Variants in GPC6 observed in about 807,000 individuals in gnomAD.
The protein encoded by GPC6 is glypican-6.
In GPC6, 14 loss-of-function variants were observed where a neutral mutation model predicts 55.2. That is an observed-to-expected ratio of 0.25 (90% CI 0.17 to 0.40). The LOEUF (loss-of-function observed/expected upper bound fraction) is 0.40, where lower values mean the gene tolerates loss of function less well. Ranked by LOEUF, GPC6 falls within the 10% of genes least tolerant of loss-of-function variation. The pLI is 1.00. For missense variants in GPC6, 641 were observed against 708.5 expected (o/e 0.90, Z 1.08); for synonymous variants, 278 against 259.6 (o/e 1.07, Z -0.68).
intron 4 of GPC6, among the ~76,000 whole-genome samples, chr13:94,039,609 C>G (rs759035895): frequency 6.6e-6 from 1 of 151,874 alleles, no homozygotes; most frequent in Non-Finnish European, 1.5e-5. Flanking sequence ...ATTTGAGAAA[C>G]AGTGGGACCA....
At chr13:94,004,556 G>T (rs1003028487) in intron 3 of GPC6, among the ~76,000 whole-genome samples, 2 of 152,132 alleles carry the variant, frequency 1.3e-5, no homozygotes, top group African/African-American at 2.4e-5. Flanking sequence ...ACCTTATAAT[G>T]AAATGACTGG....
chr13:93,954,520 T>C (rs147212437), intron 3 of GPC6, among the ~76,000 whole-genome samples: 2,099 of 152,280 alleles, frequency 0.014, 42 homozygotes, highest in Admixed American at 0.049. Flanking sequence ...TGGCCCAGGC[T>C]CACAATGCCT....
At chr13:93,628,362 A>G (rs1334418397) in intron 2 of GPC6, among the ~76,000 whole-genome samples, 2 of 152,216 alleles carry the variant, frequency 1.3e-5, no homozygotes, top group Admixed American at 1.3e-4. Context: ...AGGCACAACT[A>G]ATGAACTCAT....
chr13:93,874,119 C>T lies in GPC6; in HGVS notation c.711+43574C>T, dbSNP rs549771108. Among the ~76,000 whole-genome samples, 4 of 152,034 alleles carry T rather than the reference C, an allele frequency of 2.6e-5. No homozygotes were observed. In the South Asian group the frequency reaches 8.3e-4, roughly 32 times the overall value. ...TTAGCTATATAAGGTAAACTCATGTCACAGGGGCTTGTTATACAGATTATT... is the reference window on the plus strand; with the variant it reads ...TTAGCTATATAAGGTAAACTCATGTTACAGGGGCTTGTTATACAGATTATT... On this transcript the variant is annotated intron_variant, in intron 3 of 8. Transcript: ENST00000377047.
intron 3 of GPC6, among the ~76,000 whole-genome samples, chr13:93,860,643 T>G (rs767214336): frequency 6.6e-6 from 1 of 151,644 alleles, no homozygotes; most frequent in Non-Finnish European, 1.5e-5. Context: ...GATATTCTTA[T>G]GTTTGCCTTA....
chr13:93,279,650 T>C lies in GPC6; in HGVS notation c.160+52034T>C, dbSNP rs570998507. The stretch of plus-strand genomic sequence containing the variant: ...GATATTAGTGCCACAGTAGAAAATA[T>C]AGGTTTATACATTTCATGGCGAGGC... On this transcript the variant is annotated intron_variant, in intron 1 of 8. Coordinates refer to ENST00000377047, the MANE Select transcript of GPC6 (RefSeq NM_005708.5). Among the ~76,000 whole-genome samples, 123 of 152,318 alleles carry C rather than the reference T, an allele frequency of 8.1e-4. 4 individuals carry two copies. Among genetic ancestry groups the C allele is most frequent in the Middle Eastern group, 3.4e-3 (1 of 294 alleles).
chr13:93,697,482 C>T (rs754789216), intron 2 of GPC6, among the ~76,000 whole-genome samples: 1 of 152,240 alleles, frequency 6.6e-6, no homozygotes, highest in Non-Finnish European at 1.5e-5. Flanking sequence ...AATTTGATTA[C>T]TTTTCTCCCA....
intron 2 of GPC6, among the ~76,000 whole-genome samples, chr13:93,803,949 T>G (rs1886459710): frequency 6.6e-6 from 1 of 152,144 alleles, no homozygotes; most frequent in Non-Finnish European, 1.5e-5. Context: ...TGTATGGAAT[T>G]ACTTTCTGGA....
chr13:93,561,403 C>CTATATATATATATATATATATATA (rs1566424669), intron 2 of GPC6, among the ~76,000 whole-genome samples: 1 of 55,006 alleles, frequency 1.8e-5, no homozygotes, highest in Non-Finnish European at 3.9e-5. Context: ...ATATCCCTAT[C>CTATATATATATATATATATATATA]GATATATATA....
intron 6 of GPC6, among the ~76,000 whole-genome samples, chr13:94,344,198 A>G (rs2139159943): frequency 6.6e-6 from 1 of 152,370 alleles, no homozygotes; most frequent in East Asian, 1.9e-4. Context: ...TATTGATCTT[A>G]TCTTTATGGA....
intron 7 of GPC6, among the ~76,000 whole-genome samples, chr13:94,389,427 A>G (rs1445891446): frequency 2.0e-5 from 3 of 152,148 alleles, no homozygotes. Flanking sequence ...AAGCTTTTAT[A>G]TGGTTAGCAT....
At chr13:93,647,904 C>G (rs1220290051) in intron 2 of GPC6, among the ~76,000 whole-genome samples, 1 of 152,078 alleles carries the variant, frequency 6.6e-6, no homozygotes, top group Admixed American at 6.6e-5. Flanking sequence ...AATCCGACAC[C>G]CTTCCCTGGT....
At chr13:93,398,787 C>G (rs1447338487) in intron 1 of GPC6, among the ~76,000 whole-genome samples, 2 of 152,066 alleles carry the variant, frequency 1.3e-5, no homozygotes, top group African/African-American at 4.8e-5. Context: ...TTTCTAAGAT[C>G]ACAAGATGAT....
intron 4 of GPC6, among the ~76,000 whole-genome samples, chr13:94,054,939 C>A (rs1209256066): frequency 6.6e-6 from 1 of 152,028 alleles, no homozygotes; most frequent in Admixed American, 6.5e-5. Flanking sequence ...CACACCTGCA[C>A]TCACACACAC....
At chr13:93,912,075 A>G (rs1877013849) in intron 3 of GPC6, among the ~76,000 whole-genome samples, 1 of 151,960 alleles carries the variant, frequency 6.6e-6, no homozygotes, top group African/African-American at 2.4e-5. Flanking sequence ...GTGCAGAGAC[A>G]GCCCGTGAAT....
At chr13:94,046,439 A>G (rs911844633) in intron 4 of GPC6, among the ~76,000 whole-genome samples, 1 of 152,000 alleles carries the variant, frequency 6.6e-6, no homozygotes, top group African/African-American at 2.4e-5. Context: ...TATTGTGTGG[A>G]CATGCCTCAG....
chr13:93,950,248 C>T (rs1376979923), intron 3 of GPC6, among the ~76,000 whole-genome samples: 1 of 152,030 alleles, frequency 6.6e-6, no homozygotes, highest in East Asian at 1.9e-4. Flanking sequence ...AATTGAAGAA[C>T]AACAACAAAC....
chr13:93,757,529 C>T (rs1248103392), intron 2 of GPC6, among the ~76,000 whole-genome samples: 1 of 152,178 alleles, frequency 6.6e-6, no homozygotes, highest in Non-Finnish European at 1.5e-5. Context: ...TGTTCAGCCA[C>T]AGAGGATTAG....
At chr13:93,829,913 T>A (rs1887417053) in intron 2 of GPC6, among the ~76,000 whole-genome samples, 1 of 152,202 alleles carries the variant, frequency 6.6e-6, no homozygotes, top group Non-Finnish European at 1.5e-5. Flanking sequence ...GGAGGAGGAT[T>A]ACATGGTAGA....
Sources: gnomAD v4.1 joint callset for allele counts (sites outside exome capture counted in the v4.1 genomes callset) on GRCh38, gnomAD v4.1.1 for gene constraint, MANE v1.5 for transcripts, NCBI Gene and HGNC (gene_info 2026-07-23, HGNC 2026-07-21) for gene names.